MICAL2: variants seen among roughly 807,000 people sequenced by gnomAD.
MICAL2 encodes [F-actin]-monooxygenase MICAL2.
In MICAL2, 77 loss-of-function variants were observed where a neutral mutation model predicts 127.3. The ratio of observed to expected loss-of-function variants is 0.60; its 90% CI spans 0.50 to 0.73. The LOEUF is 0.73. MICAL2 is among the 30% of genes least tolerant of loss of function. MICAL2 has a pLI of 0.00. For missense variants in MICAL2, 1,351 were observed against 1,434.4 expected (o/e 0.94, Z 0.94); for synonymous variants, 570 against 551.1 (o/e 1.03, Z -0.48).
intron 3 of MICAL2, among the ~76,000 whole-genome samples, chr11:12,203,653 G>A (rs1011073031): frequency 6.6e-6 from 1 of 151,942 alleles, no homozygotes; most frequent in African/African-American, 2.4e-5. Context: ...TATATGTTTT[G>A]GATACAGGTC....
chr11:12,249,093 ATCCTGTAAAGC>A, intron 21 of MICAL2, 80 bp from the exon 22 acceptor site: 1 of 1,554,990 alleles, frequency 6.4e-7, no homozygotes, highest in Admixed American at 1.7e-5. Flanking sequence ...TGCCTGAAGT[ATCCTGTAAAGC>A]TTCTCTTTCC....
intron 2 of MICAL2, among the ~76,000 whole-genome samples, chr11:12,146,898 A>G (rs1436550037): frequency 2.0e-5 from 3 of 152,212 alleles, no homozygotes; most frequent in East Asian, 1.9e-4. Context: ...GGATGAGTTC[A>G]TGTCCTTTGT....
chr11:12,284,222 CT>C, intron 2 of MICAL2, among the ~76,000 whole-genome samples: 1 of 152,262 alleles, frequency 6.6e-6, no homozygotes, highest in African/African-American at 2.4e-5. Context: ...ATTTATCCAT[CT>C]TTTTTTCTGG....
At chr11:12,299,968 C>A (rs892757469) in intron 29 of MICAL2, among the ~76,000 whole-genome samples, 2 of 152,144 alleles carry the variant, frequency 1.3e-5, no homozygotes, top group Non-Finnish European at 2.9e-5. Flanking sequence ...GGACCCCATG[C>A]TTCCTGCTCC....
chr11:12,281,014 C>T (rs892734096), exon 2 of MICAL2: 7 of 399,064 alleles, frequency 1.8e-5, no homozygotes, highest in Admixed American at 4.4e-5. Flanking sequence ...GGCCAGGATC[C>T]CCGCATCTAC....
chr11:12,313,934 T>G (rs1864202221), intron 29 of MICAL2, among the ~76,000 whole-genome samples: 1 of 151,598 alleles, frequency 6.6e-6, no homozygotes, highest in Non-Finnish European at 1.5e-5. Flanking sequence ...ATTTTTGTTG[T>G]ATTTCTGGCC....
chr11:12,267,119 GAC>G (rs1349408653), downstream of MICAL2, among the ~76,000 whole-genome samples: 10 of 152,114 alleles, frequency 6.6e-5, no homozygotes, highest in African/African-American at 1.2e-4. Context: ...CCTCCCTTCG[GAC>G]ACCCAGGCCT....
chr11:12,170,104 T>A (rs2133868437), intron 3 of MICAL2, among the ~76,000 whole-genome samples: 2 of 152,190 alleles, frequency 1.3e-5, no homozygotes, highest in Admixed American at 1.3e-4. Context: ...CACCAAACAT[T>A]TGCGTGGTGC....
chr11:12,313,701 A>T (rs1284843186), intron 29 of MICAL2, among the ~76,000 whole-genome samples: 1 of 152,030 alleles, frequency 6.6e-6, no homozygotes, highest in African/African-American at 2.4e-5. Context: ...TATCTTCTAT[A>T]TCCTTGCTGA....
At chr11:12,250,480 T>C (rs1189414699) in intron 22 of MICAL2, among the ~76,000 whole-genome samples, 1 of 152,166 alleles carries the variant, frequency 6.6e-6, no homozygotes, top group African/African-American at 2.4e-5. Context: ...GCAAGGTTGG[T>C]GGAAGTCTCT....
intron 1 of MICAL2, among the ~76,000 whole-genome samples, chr11:12,123,912 A>G (rs1204021443): frequency 2.0e-5 from 3 of 152,212 alleles, no homozygotes; most frequent in Admixed American, 6.5e-5. Context: ...GTATGAGGAC[A>G]GCAGAAGAAG....
intron 32 of MICAL2, among the ~76,000 whole-genome samples, chr11:12,345,513 A>G (rs1208790030): frequency 6.6e-6 from 1 of 152,238 alleles, no homozygotes. Flanking sequence ...CAGGATGCCC[A>G]TTTATCAGTT....
chr11:12,337,677 G>A (rs1938791161), intron 32 of MICAL2, among the ~76,000 whole-genome samples: 1 of 151,988 alleles, frequency 6.6e-6, no homozygotes, highest in Non-Finnish European at 1.5e-5. Context: ...TGGTTTCAAA[G>A]AACATCTTTA....
chr11:12,212,464 G>A (rs1855601777), intron 6 of MICAL2, among the ~76,000 whole-genome samples: 1 of 152,194 alleles, frequency 6.6e-6, no homozygotes, highest in Non-Finnish European at 1.5e-5. Flanking sequence ...GCAACAGAGC[G>A]AGACCCTGTC....
At position 12,226,277 on chromosome 11, in the gene MICAL2, A is replaced by G. The variant is rs760246599; in HGVS notation, c.1795A>G (p.Met599Val). The G allele has an allele frequency of 1.2e-6, 2 of 1,614,204 alleles. No individual in the cohort carries two copies. The highest frequency in any genetic ancestry group is 1.7e-6 in the Non-Finnish European group (2 of 1,180,038). The change falls in exon 14 of 28, where the codon ATG becomes GTG. Residue 599 changes from methionine (M) to valine (V), a missense_variant. Physicochemically the swap from Met to Val is conservative, Grantham distance 21. Transcript: ENST00000683283. ...CCCTCCAGTGACCACGGGCAAAGAG[A>G]TGGCATCTGCCCAGGAGCCTGACAA... ...GIPPVTTGKE[M>V]ASAQEPDKLS... is the part of the protein sequence containing the mutation.
In MICAL2 at chr11:12,339,100, C is replaced by T. The variant is rs577984821; in HGVS notation, c.5516-10738C>T. Among the ~76,000 whole-genome samples, 44 of 152,298 alleles carry T rather than the reference C, an allele frequency of 2.9e-4. No individual in the cohort carries two copies. The East Asian group carries it at 5.0e-3, about 17-fold the overall frequency. Reference sequence around the variant, plus strand: ...ATCACTTTCAGGTACACCAGTCATACGTAGATTTGGTCTTTTCACATAGTC... The same window carrying T: ...ATCACTTTCAGGTACACCAGTCATATGTAGATTTGGTCTTTTCACATAGTC... On this transcript the variant is annotated intron_variant, in intron 32 of 34. Coordinates refer to the MICAL2 transcript ENST00000646065.
chr11:12,281,485 G>A (rs567500800), intron 2 of MICAL2, among the ~76,000 whole-genome samples: 334 of 152,308 alleles, frequency 2.2e-3, no homozygotes, highest in African/African-American at 7.8e-3. Context: ...AGGGAGCTGG[G>A]TCCAGCTGCT....
chr11:12,221,394 C>T (rs1291493702), intron 9 of MICAL2, among the ~76,000 whole-genome samples: 3 of 152,196 alleles, frequency 2.0e-5, no homozygotes, highest in East Asian at 1.9e-4. Context: ...GATGGGAATT[C>T]GTCTCGCCTT....
chr11:12,121,166 G>A (rs1415987195), intron 1 of MICAL2, among the ~76,000 whole-genome samples: 2 of 152,304 alleles, frequency 1.3e-5, no homozygotes, highest in African/African-American at 4.8e-5. Context: ...AGCTTTGGTG[G>A]CTCTTGACTC....
Sources: gnomAD v4.1 joint callset for allele counts (sites outside exome capture counted in the v4.1 genomes callset) on GRCh38, gnomAD v4.1.1 for gene constraint, MANE v1.5 for transcripts, NCBI Gene and HGNC (gene_info 2026-07-23, HGNC 2026-07-21) for gene names.